FNTB: variants seen among roughly 807,000 people sequenced by gnomAD.
The protein encoded by FNTB is protein farnesyltransferase subunit beta.
FNTB carries 27 observed loss-of-function variants against 59.4 expected under a neutral mutation model. The observed-to-expected ratio is 0.45, with a 90% confidence interval of 0.34 to 0.63. The LOEUF is 0.63. Among genes scored for constraint, FNTB ranks in the 20% least tolerant of loss-of-function variants. FNTB has a pLI of 0.02. For synonymous variants in FNTB, 230 were observed against 220.7 expected (o/e 1.04, Z -0.37); for missense variants, 449 against 559.6 (o/e 0.80, Z 1.99).
chr14:65,047,988 T>G lies in FNTB; in HGVS notation c.955+3545T>G, dbSNP rs1174750075. Among the ~76,000 whole-genome samples the G allele has an allele frequency of 7.7e-5, 11 of 141,982 alleles. No individual in the cohort carries two copies. Among genetic ancestry groups the G allele is most frequent in the African/African-American group, 2.9e-4 (11 of 37,980 alleles). 93.1% of individuals were successfully genotyped at this position (141,982 alleles called of 152,430 possible). ...AGGGAGACTTTTTAGATTTTTTTTT[T>G]TTTTTTTTTTTTTTTTTGAGACAGA... On this transcript the variant is annotated intron_variant, in intron 9 of 11. Coordinates refer to ENST00000246166, the MANE Select transcript of FNTB (RefSeq NM_002028.4). The surrounding 1 kb of genome is among the most constrained non-coding windows in gnomAD (Gnocchi z 5.2).
At chr14:65,000,745 A>T (rs1432145019) in intron 1 of FNTB, among the ~76,000 whole-genome samples, 1 of 143,294 alleles carries the variant, frequency 7.0e-6, no homozygotes, top group Admixed American at 7.4e-5. Flanking sequence ...ACTTGAACCC[A>T]GGAGGTGGAG....
chr14:65,029,593 T>C lies in FNTB; in HGVS notation c.605+1812T>C, dbSNP rs2139580968. 6.6e-6 allele frequency among the ~76,000 whole-genome samples: 1 copy of C among 152,336 alleles called. No homozygotes were observed. Among genetic ancestry groups the C allele is most frequent in the Middle Eastern group, 3.4e-3 (1 of 294 alleles). ...GAAAGGAGACCTCCTTTCTAGGTTA[T>C]ATAATCTAGATCATTCTGTGAGGAT... On this transcript the variant is annotated intron_variant, in intron 6 of 11. Transcript: ENST00000246166. This position sits in a 1 kb window ranked among gnomAD's most constrained non-coding sequence, Gnocchi z 4.7.
Position 65,006,923 on chromosome 14 carries a change from T to C in FNTB, c.209+2610T>C, listed in dbSNP as rs563846770. ...GGAGTGAAATCCCCTGATTCATAGC[T>C]GGTAGGTCAAGTATGGGTGGGAAAA... On this transcript the variant is annotated intron_variant, in intron 2 of 11. Transcript: ENST00000246166. Among the ~76,000 whole-genome samples, 31 of 152,214 alleles carry C rather than the reference T, an allele frequency of 2.0e-4. 1 individual carries two copies. The South Asian group carries it at 6.4e-3, about 32-fold the overall frequency.
intron 9 of FNTB, among the ~76,000 whole-genome samples, chr14:65,050,148 T>G (rs118118089): frequency 0.022 from 3,325 of 152,230 alleles, 71 homozygotes; most frequent in Non-Finnish European, 0.031. Context: ...CTCAGAAGAT[T>G]AGGCCAAACA....
chr14:65,040,663 T>C, intron 7 of FNTB, 127 bp from the exon 8 acceptor site: 1 of 1,186,920 alleles, frequency 8.4e-7, no homozygotes, highest in South Asian at 3.5e-5. Flanking sequence ...TGGCATCTTT[T>C]CATTCATAGT....
At chr14:65,004,518 G>T (rs910081324) in intron 2 of FNTB, among the ~76,000 whole-genome samples, 1 of 152,218 alleles carries the variant, frequency 6.6e-6, no homozygotes, top group Non-Finnish European at 1.5e-5. Flanking sequence ...CACTCGAGCT[G>T]AGCTGCCAGG....
chr14:65,053,388 GGA>G, intron 10 of FNTB, 39 bp downstream of exon 10: 3 of 1,372,994 alleles, frequency 2.2e-6, no homozygotes, highest in Non-Finnish European at 2.9e-6. Flanking sequence ...GGAGAGGGGA[GGA>G]GAGAGCAGAG....
intron 8 of FNTB, among the ~76,000 whole-genome samples, chr14:65,043,896 A>G (rs956420222): frequency 2.0e-5 from 3 of 151,262 alleles, no homozygotes; most frequent in Non-Finnish European, 2.9e-5. Context: ...TCTGCTTTTA[A>G]TAAACTCCCC....
rs541110642 is a variant in FNTB, at chr14:65,045,308, C to T, written c.955+865C>T. On this transcript the variant is annotated intron_variant, in intron 9 of 11. Transcript: ENST00000246166. ...CTGGGTCCAAAGAGAAGCTGTTCTT[C>T]GGACTTAGTTGGATAATGTAACTGC... is the stretch of plus-strand genomic sequence containing the variant. 1.1e-4 allele frequency among the ~76,000 whole-genome samples: 16 copies of T among 152,238 alleles called. No individual in the cohort carries two copies. In the East Asian group the frequency reaches 1.2e-3, roughly 11 times the overall value.
At chr14:65,015,539 C>A in intron 3 of FNTB, 86 bp from the exon 4 acceptor site, 1 of 1,415,824 alleles carries the variant, frequency 7.1e-7, no homozygotes, top group Admixed American at 1.8e-5. Context: ...TGCCAGGCTG[C>A]TGGGAGTGAG....
chr14:65,049,485 G>A (rs1455289330), intron 9 of FNTB, among the ~76,000 whole-genome samples: 1 of 152,104 alleles, frequency 6.6e-6, no homozygotes, highest in African/African-American at 2.4e-5. Flanking sequence ...CCCTATAATC[G>A]TATCTGCTTT....
At position 65,007,103 on chromosome 14, in the gene FNTB, C is replaced by T. The variant is rs937409020; in HGVS notation, c.209+2790C>T. ...GCTAATTAATATTGGAGATACTATA[C>T]ATTTTGGCTGAATGGCTGAGTATAT... On this transcript the variant is annotated intron_variant, in intron 2 of 11. Coordinates refer to ENST00000246166, the MANE Select transcript of FNTB (RefSeq NM_002028.4). This position sits in a 1 kb window ranked among gnomAD's most constrained non-coding sequence, Gnocchi z 4.9. 6.6e-6 allele frequency among the ~76,000 whole-genome samples: 1 copy of T among 152,178 alleles called. No homozygotes were observed. The highest frequency in any genetic ancestry group is 1.5e-5 in the Non-Finnish European group (1 of 68,034).
chr14:65,027,668 G>A lies in FNTB; in HGVS notation c.522-30G>A, dbSNP rs546406732. 16 of 1,613,990 alleles carry A rather than the reference G, an allele frequency of 9.9e-6. No individual in the cohort carries two copies. The highest frequency in any genetic ancestry group is 1.7e-5 in the Admixed American group (1 of 59,994). On this transcript the variant is annotated intron_variant, in intron 5 of 11. Coordinates refer to ENST00000246166, the MANE Select transcript of FNTB (RefSeq NM_002028.4). This position sits in a 1 kb window ranked among gnomAD's most constrained non-coding sequence, Gnocchi z 5.7. ...CGCCTGCTGACACGCACTGACTGTT[G>A]CCTCTCCTACCTCTTTCCCTGTTTC...
rs1324294913 is a variant in FNTB, at chr14:65,037,402, CCTTTTTTTTTTTTTTTTTTT to C, written c.693-3387_693-3368del. ...ATAGGCGTGAGCCACCACGCCGGGC[CCTTTTTTTTTTTTTTTTTTT>C]TTTTTTTTTTTTTTTTTTTTTTTTG... On this transcript the variant is annotated intron_variant, in intron 7 of 11. Transcript: ENST00000246166. Among the ~76,000 whole-genome samples, 53 of 14,530 alleles carry C rather than the reference CCTTTTTTTTTTTTTTTTTTT, an allele frequency of 3.6e-3. 4 individuals are homozygous for C. Among genetic ancestry groups the C allele is most frequent in the Admixed American group, 0.014 (20 of 1,410 alleles). The allele number at this position is 14,530 out of a possible 152,430, so 9.5% of individuals were successfully genotyped here.
intron 1 of FNTB, among the ~76,000 whole-genome samples, chr14:64,989,542 AC>A (rs1307352316): frequency 1.5e-5 from 2 of 130,886 alleles, no homozygotes; most frequent in East Asian, 1.9e-4. Context: ...AAAAAAAAAA[AC>A]AAACAAAAAA....
chr14:64,992,913 A>G (rs1888256893), intron 1 of FNTB, among the ~76,000 whole-genome samples: 1 of 152,106 alleles, frequency 6.6e-6, no homozygotes, highest in Admixed American at 6.5e-5. Context: ...ATCATGGCTC[A>G]CTGTAGCAAC....
chr14:65,038,990 T>G (rs1417938564), intron 7 of FNTB, among the ~76,000 whole-genome samples: 1 of 152,230 alleles, frequency 6.6e-6, no homozygotes. Context: ...TTTAAAAAGT[T>G]TTCTTTTGCT....
intron 7 of FNTB, among the ~76,000 whole-genome samples, chr14:65,036,516 C>T (rs1201119570): frequency 1.3e-5 from 2 of 152,072 alleles, no homozygotes; most frequent in Non-Finnish European, 2.9e-5. Flanking sequence ...GGATTATAGG[C>T]GTGAGCCACC....
Position 65,007,625 on chromosome 14 carries a change from A to G in FNTB, c.209+3312A>G, listed in dbSNP as rs559654287. ...TGGGACTGTCTACCTGGAGTGAGGT[A>G]GTCAGTCCCAAGGAGCTTTTTGACC... On this transcript the variant is annotated intron_variant, in intron 2 of 11. Transcript: ENST00000246166. This position sits in a 1 kb window ranked among gnomAD's most constrained non-coding sequence, Gnocchi z 4.9. Among the ~76,000 whole-genome samples the G allele has an allele frequency of 6.6e-6, 1 of 152,320 alleles. No homozygotes were observed. The highest frequency in any genetic ancestry group is 1.5e-5 in the Non-Finnish European group (1 of 68,026).
Sources: gnomAD v4.1 joint callset for allele counts (sites outside exome capture counted in the v4.1 genomes callset) on GRCh38, gnomAD v4.1.1 for gene constraint, Gnocchi (gnomAD v3.1) non-coding constraint, MANE v1.5 for transcripts, NCBI Gene and HGNC (gene_info 2026-07-23, HGNC 2026-07-21) for gene names.